Variants in EIF4G3 observed in about 807,000 individuals in gnomAD.
The protein encoded by EIF4G3 is eukaryotic translation initiation factor 4 gamma 3, also known as eIF-4-gamma 3.
Under a neutral mutation model 186.4 loss-of-function variants are expected in EIF4G3, and 34 were observed. The ratio of observed to expected loss-of-function variants is 0.18; its 90% CI spans 0.14 to 0.24. The LOEUF (loss-of-function observed/expected upper bound fraction) is 0.24, where lower values mean the gene tolerates loss of function less well. EIF4G3 is among the 10% of genes least tolerant of loss of function. The pLI is 1.00. For missense variants in EIF4G3, 1,536 were observed against 1,948.5 expected (o/e 0.79, Z 3.99); for synonymous variants, 673 against 679.5 (o/e 0.99, Z 0.15).
chr1:20,871,664 G>A (rs1182643857), intron 20 of EIF4G3, among the ~76,000 whole-genome samples: 3 of 152,180 alleles, frequency 2.0e-5, no homozygotes, highest in African/African-American at 7.2e-5. Flanking sequence ...GGAAACATTA[G>A]CATAGTAAAC....
rs542904611 is a variant in EIF4G3 at position 21,094,240 on chromosome 1, C to T, written c.-271-5027G>A. On this transcript the variant is annotated intron_variant, in intron 2 of 36. Transcript: ENST00000602326. ...CCTCAAGGATCTAGAACTAGAAATA[C>T]CATTTGACCCAGCCACTCCATTACT... Among the ~76,000 whole-genome samples, 69 of 151,840 alleles carry T rather than the reference C, an allele frequency of 4.5e-4. 2 individuals are homozygous for T. The highest frequency in any genetic ancestry group is 1.6e-3 in the African/African-American group (65 of 41,340).
chr1:21,092,338 A>C lies in EIF4G3; in HGVS notation c.-271-3125T>G, dbSNP rs190711510. On this transcript the variant is annotated intron_variant, in intron 2 of 36. Transcript: ENST00000602326. ...ATCCAGCCTTGCATCCCAGTGACGAAGCCCACTTGGTCACTGTGGATAAGC... is the reference window on the plus strand; with the variant it reads ...ATCCAGCCTTGCATCCCAGTGACGACGCCCACTTGGTCACTGTGGATAAGC... 9.9e-5 allele frequency among the ~76,000 whole-genome samples: 15 copies of C among 152,274 alleles called. No homozygotes were observed. The East Asian group carries it at 2.9e-3, about 29-fold the overall frequency.
intron 2 of EIF4G3, chr1:21,161,636 A>G (rs933516441): frequency 6.6e-6 from 1 of 152,338 alleles, no homozygotes; most frequent in African/African-American, 2.4e-5. Flanking sequence ...GCTCTGAACG[A>G]AAGGGTAGAG....
intron 4 of EIF4G3, among the ~76,000 whole-genome samples, chr1:21,026,174 G>C (rs1053877422): frequency 6.6e-6 from 1 of 152,142 alleles, no homozygotes; most frequent in Non-Finnish European, 1.5e-5. Context: ...AATGAAAAGT[G>C]CAGTACTGGT....
intron 14 of EIF4G3, chr1:20,929,412 C>A (rs1234591664): frequency 6.6e-6 from 1 of 152,140 alleles, no homozygotes; most frequent in African/African-American, 2.4e-5. Context: ...ATGCAAACGG[C>A]CTATCCTAAG....
intron 3 of EIF4G3, among the ~76,000 whole-genome samples, chr1:21,060,782 GA>G (rs34598369): frequency 0.36 from 40,530 of 111,924 alleles, 5,181 homozygotes; most frequent in East Asian, 0.66. Flanking sequence ...TGTCTCTTAA[GA>G]AAAAAAAAAA....
chr1:21,133,962 C>A (rs891653288), intron 2 of EIF4G3, among the ~76,000 whole-genome samples: 1 of 152,142 alleles, frequency 6.6e-6, no homozygotes, highest in African/African-American at 2.4e-5. Context: ...GTACTTACTG[C>A]GGAGATTTAC....
chr1:20,998,910 T>C, intron 6 of EIF4G3: 1 of 335,914 alleles, frequency 3.0e-6, no homozygotes, highest in Non-Finnish European at 6.0e-6. Flanking sequence ...CTATAGAGAC[T>C]TCCTTCTGTC....
intron 2 of EIF4G3, among the ~76,000 whole-genome samples, chr1:21,124,709 A>T (rs1185584010): frequency 1.3e-5 from 2 of 152,244 alleles, no homozygotes. Flanking sequence ...TAAAAATGGC[A>T]TTTATTTTGG....
At chr1:21,010,853 TAC>T (rs1570925147) in intron 4 of EIF4G3, among the ~76,000 whole-genome samples, 1 of 152,238 alleles carries the variant, frequency 6.6e-6, no homozygotes, top group Non-Finnish European at 1.5e-5. Context: ...CTGAATTTCC[TAC>T]ACAGTCTTAA....
At chr1:21,058,251 C>G (rs545372231) in intron 3 of EIF4G3, among the ~76,000 whole-genome samples, 12 of 152,096 alleles carry the variant, frequency 7.9e-5, no homozygotes, top group Middle Eastern at 3.4e-3. Context: ...CTATGGAAAA[C>G]GATAAGAGAA....
chr1:21,034,551 ATTAT>A (rs1023920936), intron 4 of EIF4G3, among the ~76,000 whole-genome samples: 2 of 152,238 alleles, frequency 1.3e-5, no homozygotes, highest in Non-Finnish European at 2.9e-5. Context: ...ATAAAACAGA[ATTAT>A]AGTATGAGAC....
At chr1:20,893,401 T>A in intron 18 of EIF4G3, 116 bp downstream of exon 18, 2 of 1,145,548 alleles carry the variant, frequency 1.7e-6, no homozygotes, top group Non-Finnish European at 2.4e-6. Flanking sequence ...CTTTGCCTCT[T>A]CTTCTTCTTC....
At chr1:20,894,937 T>A (rs1217051516) in intron 17 of EIF4G3, among the ~76,000 whole-genome samples, 1 of 152,206 alleles carries the variant, frequency 6.6e-6, no homozygotes, top group East Asian at 1.9e-4. Context: ...ATTATTTGAA[T>A]CATGTTGACT....
intron 4 of EIF4G3, among the ~76,000 whole-genome samples, chr1:21,011,126 T>C (rs1457133186): frequency 6.6e-6 from 1 of 151,684 alleles, no homozygotes; most frequent in South Asian, 2.1e-4. Flanking sequence ...AAGTAAATCT[T>C]ACATATACTT....
At chr1:21,000,679 TG>T (rs2083309179) in intron 6 of EIF4G3, among the ~76,000 whole-genome samples, 1 of 152,008 alleles carries the variant, frequency 6.6e-6, no homozygotes, top group Non-Finnish European at 1.5e-5. Context: ...AAGAGTAGTC[TG>T]GGGTCTGCTA....
chr1:21,005,802 A>G (rs979739678), intron 4 of EIF4G3, among the ~76,000 whole-genome samples: 3 of 152,208 alleles, frequency 2.0e-5, no homozygotes, highest in Admixed American at 6.5e-5. Flanking sequence ...ATTACTAAAA[A>G]AAACAAAGAA....
At chr1:21,054,263 TGAAGGCAGCATGCCCGTTAA>T (rs2154577665) in intron 3 of EIF4G3, among the ~76,000 whole-genome samples, 2 of 150,750 alleles carry the variant, frequency 1.3e-5, no homozygotes, top group South Asian at 4.2e-4. Context: ...AACAGATGCT[TGAAGGCAGCATGCCCGTTAA>T]GAGTCATCAC....
intron 4 of EIF4G3, among the ~76,000 whole-genome samples, chr1:21,022,327 A>T (rs1050633875): frequency 3.3e-5 from 5 of 152,208 alleles, no homozygotes; most frequent in African/African-American, 1.2e-4. Context: ...CAAAAACCCC[A>T]CAAGTTATTT....
Sources: allele counts gnomAD v4.1 joint callset (sites outside exome capture counted in the v4.1 genomes callset), GRCh38; gene constraint gnomAD v4.1.1; transcripts MANE v1.5; gene names NCBI Gene and HGNC (gene_info 2026-07-23, HGNC 2026-07-21).